Variants in PRKAR1B observed in about 807,000 individuals in gnomAD.
PRKAR1B encodes the protein cAMP-dependent protein kinase type I-beta regulatory subunit.
PRKAR1B carries 22 observed loss-of-function variants against 46.5 expected under a neutral mutation model. The observed-to-expected ratio is 0.47, with a 90% CI of 0.34 to 0.68. The LOEUF is 0.68. Ranked by LOEUF, PRKAR1B falls within the 30% of genes least tolerant of loss-of-function variation. The pLI is 0.01. For synonymous variants in PRKAR1B, 259 were observed against 217.7 expected, an observed-to-expected ratio of 1.19 and a Z score of -1.67; for missense variants, 445 against 535.6, an observed-to-expected ratio of 0.83 and a Z score of 1.67.
chr7:622,781 G>A (rs1298306819), intron 4 of PRKAR1B, among the ~76,000 whole-genome samples: 1 of 152,188 alleles, frequency 6.6e-6, no homozygotes, highest in Non-Finnish European at 1.5e-5. Flanking sequence ...GGACCCCGCT[G>A]AAGGCAGAAC....
chr7:698,633 C>T (rs955355666), intron 2 of PRKAR1B, among the ~76,000 whole-genome samples: 1 of 151,688 alleles, frequency 6.6e-6, no homozygotes, highest in African/African-American at 2.4e-5. Flanking sequence ...TGAGCGTGTA[C>T]ACATGCATGC....
At chr7:673,597 C>T (rs1400357830) in intron 4 of PRKAR1B, among the ~76,000 whole-genome samples, 3 of 150,524 alleles carry the variant, frequency 2.0e-5, no homozygotes, top group Admixed American at 1.3e-4. Flanking sequence ...TGCAGTGAGC[C>T]GAGATCGCCC....
intron 3 of PRKAR1B, among the ~76,000 whole-genome samples, 167 bp downstream of exon 3, chr7:680,389 C>A (rs764033795): frequency 6.6e-6 from 1 of 152,142 alleles, no homozygotes; most frequent in Non-Finnish European, 1.5e-5. Flanking sequence ...GCAAACCAAG[C>A]CCACCCAGAA....
intron 1 of PRKAR1B, 115 bp downstream of exon 1, chr7:727,095 G>A (rs1781341709): frequency 9.4e-7 from 1 of 1,065,992 alleles, no homozygotes; most frequent in Non-Finnish European, 1.1e-6. Context: ...CCGCGCGCTT[G>A]GCCGGCCCCG....
chr7:564,643 C>T (rs1358105424), intron 9 of PRKAR1B, among the ~76,000 whole-genome samples: 4 of 152,192 alleles, frequency 2.6e-5, no homozygotes, highest in South Asian at 2.1e-4. Context: ...GGCCTCTTCC[C>T]GCAGCATCCC....
chr7:698,798 G>T (rs924235942), intron 2 of PRKAR1B, among the ~76,000 whole-genome samples: 3 of 151,586 alleles, frequency 2.0e-5, no homozygotes, highest in Non-Finnish European at 4.4e-5. Flanking sequence ...ATCCTTGCCT[G>T]TGTGTGCATG....
intron 2 of PRKAR1B, among the ~76,000 whole-genome samples, chr7:708,898 T>A (rs922880635): frequency 3.3e-5 from 5 of 151,246 alleles, no homozygotes; most frequent in African/African-American, 1.2e-4. Flanking sequence ...TTCAAGCCAA[T>A]TCTCCTGCCT....
chr7:597,624 C>T (rs999932684), intron 6 of PRKAR1B, among the ~76,000 whole-genome samples: 3 of 152,216 alleles, frequency 2.0e-5, no homozygotes, highest in African/African-American at 4.8e-5. Flanking sequence ...GCAACTCCAG[C>T]GTTTTAGGGG....
chr7:721,960 T>G (rs1205191718), intron 1 of PRKAR1B, among the ~76,000 whole-genome samples: 1 of 152,176 alleles, frequency 6.6e-6, no homozygotes, highest in African/African-American at 2.4e-5. Context: ...TTTTCCTCCT[T>G]CTGTCTTTAG....
intron 9 of PRKAR1B, chr7:565,728 C>T (rs1779087245): frequency 6.6e-6 from 1 of 152,180 alleles, no homozygotes; most frequent in East Asian, 1.9e-4. Flanking sequence ...TTTCTGGGCC[C>T]CTGCGCAGCT....
At chr7:609,864 C>A (rs1404656646) in intron 4 of PRKAR1B, among the ~76,000 whole-genome samples, 3 of 152,122 alleles carry the variant, frequency 2.0e-5, no homozygotes, top group Admixed American at 2.0e-4. Flanking sequence ...CCTGAGCCTC[C>A]CAAGTAGCTG....
At chr7:618,672 C>T (rs1164551743) in intron 4 of PRKAR1B, among the ~76,000 whole-genome samples, 2 of 152,212 alleles carry the variant, frequency 1.3e-5, no homozygotes, top group African/African-American at 2.4e-5. Flanking sequence ...CTCTGAGCTG[C>T]TCTTCAAGGG....
chr7:711,828 C>G (rs991305740), intron 1 of PRKAR1B, among the ~76,000 whole-genome samples: 2 of 151,508 alleles, frequency 1.3e-5, no homozygotes, highest in Admixed American at 6.6e-5. Flanking sequence ...CTGAGGATTC[C>G]GGGTGGGAAG....
chr7:556,704 G>T (rs1778465444), intron 9 of PRKAR1B, among the ~76,000 whole-genome samples: 1 of 152,156 alleles, frequency 6.6e-6, no homozygotes, highest in Admixed American at 6.6e-5. Flanking sequence ...TGTGGATCGG[G>T]AACAGTTCCC....
intron 7 of PRKAR1B, among the ~76,000 whole-genome samples, chr7:588,986 G>GA (rs1780827915): frequency 2.3e-4 from 30 of 133,266 alleles, no homozygotes; most frequent in Non-Finnish European, 3.7e-4. Context: ...TGATGACGAT[G>GA]TGATGGTGAT....
chr7:650,611 C>T (rs1456166912), intron 4 of PRKAR1B, among the ~76,000 whole-genome samples: 1 of 152,246 alleles, frequency 6.6e-6, no homozygotes, highest in Non-Finnish European at 1.5e-5. Flanking sequence ...CAGCGTGGGG[C>T]ACCTGTGGAA....
chr7:628,373 G>A (rs1783532613), intron 4 of PRKAR1B, among the ~76,000 whole-genome samples: 3 of 152,238 alleles, frequency 2.0e-5, no homozygotes, highest in African/African-American at 7.2e-5. Context: ...GCCAAGGCAT[G>A]CTTAGGTCAG....
intron 4 of PRKAR1B, among the ~76,000 whole-genome samples, chr7:648,189 T>C (rs1355618255): frequency 3.9e-5 from 6 of 152,218 alleles, no homozygotes; most frequent in Admixed American, 3.9e-4. Context: ...ACCTCTTCAC[T>C]TGTTTTTAAG....
At chr7:562,531 C>G (rs911998635) in intron 9 of PRKAR1B, among the ~76,000 whole-genome samples, 1 of 152,202 alleles carries the variant, frequency 6.6e-6, no homozygotes, top group Non-Finnish European at 1.5e-5. Context: ...GAGCCTGGAA[C>G]GCGTCCCTTC....
Sources: allele counts gnomAD v4.1 joint callset (sites outside exome capture counted in the v4.1 genomes callset), GRCh38; gene constraint gnomAD v4.1.1; transcripts MANE v1.5; gene names NCBI Gene and HGNC (gene_info 2026-07-23, HGNC 2026-07-21).